Variants in FRMPD3 observed in about 807,000 individuals in gnomAD.
FRMPD3 encodes the protein FERM and PDZ domain containing 3.
FRMPD3 carries 42 observed loss-of-function variants against 97.9 expected under a neutral mutation model. The ratio of observed to expected loss-of-function variants is 0.43; its 90% CI spans 0.34 to 0.55. The LOEUF is 0.55. Ranked by LOEUF, FRMPD3 falls within the 20% of genes least tolerant of loss-of-function variation. The pLI is 0.03. For synonymous variants in FRMPD3, 577 were observed against 581.1 expected (o/e 0.99, Z 0.10); for missense variants, 1,303 against 1,457.7 (o/e 0.89, Z 1.73).
chrX:107,588,481 C>T (rs781006121), intron 13 of FRMPD3, among the ~76,000 whole-genome samples: 3 of 111,068 alleles, frequency 2.7e-5, no homozygotes, highest in South Asian at 7.7e-4. Context: ...CTCAAACTCC[C>T]GACCTTAGGT....
chrX:107,591,490 G>A (rs1181505897), intron 13 of FRMPD3, among the ~76,000 whole-genome samples: 1 of 112,018 alleles, frequency 8.9e-6, no homozygotes, highest in Non-Finnish European at 1.9e-5. Context: ...TGTCCATACC[G>A]TTTAGGTTAT....
intron 6 of FRMPD3, among the ~76,000 whole-genome samples, chrX:107,550,843 C>T (rs1921832206): frequency 8.9e-6 from 1 of 111,780 alleles, no homozygotes; most frequent in Admixed American, 9.5e-5. Context: ...AAAGAGAATG[C>T]CATCCCCAGA....
At chrX:107,526,089 AT>A (rs55713650) in intron 1 of FRMPD3, among the ~76,000 whole-genome samples, 2 of 110,343 alleles carry the variant, frequency 1.8e-5, no homozygotes, top group South Asian at 3.9e-4. Flanking sequence ...AAAAATAAAA[AT>A]TAAAAAAAAA....
rs142681466 is a variant in FRMPD3 at position 107,451,453 on chromosome X, G to A, written c.-8+1448G>A. 3.1e-4 allele frequency among the ~76,000 whole-genome samples: 35 copies of A among 111,860 alleles called. No individual in the cohort carries two copies. In the East Asian group the frequency reaches 9.7e-3, roughly 31 times the overall value. ...ATAGTGTGCCAGTTCAGCCACAGAGGCCCTCAGCTTGGAGGCCCTGCCCCT... is the reference window on the plus strand; with the variant it reads ...ATAGTGTGCCAGTTCAGCCACAGAGACCCTCAGCTTGGAGGCCCTGCCCCT... On this transcript the variant is annotated intron_variant, in intron 1 of 14. Transcript: ENST00000683843.
intron 1 of FRMPD3, among the ~76,000 whole-genome samples, chrX:107,522,064 T>TC (rs1241983576): frequency 1.8e-5 from 2 of 111,539 alleles, no homozygotes; most frequent in Non-Finnish European, 3.8e-5. Flanking sequence ...AATCAGGGCA[T>TC]CTAGAGGGAG....
At chrX:107,552,193 A>G (rs1921892755) in intron 6 of FRMPD3, among the ~76,000 whole-genome samples, 1 of 112,377 alleles carries the variant, frequency 8.9e-6, no homozygotes, top group Admixed American at 9.4e-5. Flanking sequence ...CACAAAACAC[A>G]TGACATAGTT....
At chrX:107,489,507 GAC>G in intron 1 of FRMPD3, among the ~76,000 whole-genome samples, 2 of 111,585 alleles carry the variant, frequency 1.8e-5, no homozygotes, top group Admixed American at 1.9e-4. Context: ...GTTGTTTCCT[GAC>G]TTTTTAATGA....
chrX:107,487,723 G>T (rs1921542749), intron 1 of FRMPD3, among the ~76,000 whole-genome samples: 1 of 111,933 alleles, frequency 8.9e-6, no homozygotes, highest in Non-Finnish European at 1.9e-5. Context: ...CTCCCTGGGG[G>T]CATCCCCAGG....
chrX:107,501,950 C>CATAA (rs1194774104), intron 1 of FRMPD3, among the ~76,000 whole-genome samples: 1 of 110,362 alleles, frequency 9.1e-6, no homozygotes, highest in Non-Finnish European at 1.9e-5. Context: ...GAACTTACTA[C>CATAA]ATAACATATA....
chrX:107,460,951 C>T (rs1177985361), intron 1 of FRMPD3, among the ~76,000 whole-genome samples: 1 of 111,793 alleles, frequency 8.9e-6, no homozygotes, highest in Non-Finnish European at 1.9e-5. Context: ...AGAGAAATCA[C>T]TCACTGACAG....
At chrX:107,516,274 A>G (rs1203925420) in intron 1 of FRMPD3, among the ~76,000 whole-genome samples, 16 of 110,371 alleles carry the variant, frequency 1.4e-4, no homozygotes, top group African/African-American at 4.6e-4. Flanking sequence ...CCAGTCTATC[A>G]TTATTGGACA....
chrX:107,502,799 A>G (rs1002291738), intron 1 of FRMPD3, among the ~76,000 whole-genome samples: 2 of 112,694 alleles, frequency 1.8e-5, no homozygotes, highest in Admixed American at 9.3e-5. Context: ...TGTATTGCCT[A>G]TATGGCAGGT....
chrX:107,467,000 G>T (rs1365137380), intron 1 of FRMPD3, among the ~76,000 whole-genome samples: 4 of 108,032 alleles, frequency 3.7e-5, no homozygotes, highest in African/African-American at 1.4e-4. Context: ...GTGTGTGTGT[G>T]TGTGTGTGTG....
At chrX:107,541,248 C>T (rs1921285246) in intron 4 of FRMPD3, among the ~76,000 whole-genome samples, 1 of 112,676 alleles carries the variant, frequency 8.9e-6, no homozygotes, top group Non-Finnish European at 1.9e-5. Context: ...AACTTCAAGC[C>T]CCAGAGCTGA....
At chrX:107,504,496 G>A (rs1392184002) in intron 1 of FRMPD3, among the ~76,000 whole-genome samples, 1 of 112,386 alleles carries the variant, frequency 8.9e-6, no homozygotes, top group African/African-American at 3.2e-5. Context: ...AATTTACTTG[G>A]GGTAGGAGAG....
At chrX:107,533,871 A>G (rs1487577753) in intron 4 of FRMPD3, among the ~76,000 whole-genome samples, 1 of 112,231 alleles carries the variant, frequency 8.9e-6, no homozygotes, top group Non-Finnish European at 1.9e-5. Context: ...TATCTGTCCA[A>G]TGTGAACTCT....
At chrX:107,558,433 C>G (rs1263990973) in intron 8 of FRMPD3, among the ~76,000 whole-genome samples, 1 of 110,300 alleles carries the variant, frequency 9.1e-6, no homozygotes, top group Non-Finnish European at 1.9e-5. Context: ...TCAAGACCAG[C>G]CTGGGCAACA....
At chrX:107,528,580 T>C (rs1922794735) in intron 2 of FRMPD3, among the ~76,000 whole-genome samples, 1 of 112,809 alleles carries the variant, frequency 8.9e-6, no homozygotes, top group African/African-American at 3.2e-5. Context: ...TTCTTAGCAA[T>C]GTCAATCAGC....
intron 10 of FRMPD3, among the ~76,000 whole-genome samples, chrX:107,561,340 A>G (rs763097179): frequency 9.1e-6 from 1 of 110,036 alleles, no homozygotes; most frequent in East Asian, 2.8e-4. Flanking sequence ...CTTTACTTTT[A>G]AAAAAATAAT....
Sources: allele counts gnomAD v4.1 joint callset (sites outside exome capture counted in the v4.1 genomes callset), GRCh38; gene constraint gnomAD v4.1.1; transcripts MANE v1.5; gene names NCBI Gene and HGNC (gene_info 2026-07-23, HGNC 2026-07-21).